AGL: variants seen among roughly 807,000 people sequenced by gnomAD.
AGL encodes glycogen debranching enzyme.
Under a neutral mutation model 199.3 loss-of-function variants are expected in AGL, and 128 were observed. The ratio of observed to expected loss-of-function variants is 0.64; its 90% CI spans 0.56 to 0.74. AGL has a LOEUF of 0.74. AGL is among the 30% of genes least tolerant of loss of function. The pLI, the probability that AGL is intolerant of heterozygous loss-of-function variation, is 0.00. For missense variants in AGL, 1,809 were observed against 1,820.8 expected, an observed-to-expected ratio of 0.99 and a Z score of 0.12; for synonymous variants, 584 against 594.7, an observed-to-expected ratio of 0.98 and a Z score of 0.26.
At position 99,880,708 on chromosome 1, in the gene AGL, T is replaced by G; in HGVS notation, c.1812T>G (p.Phe604Leu). The G allele has an allele frequency of 6.2e-7, 1 of 1,614,084 alleles. No homozygotes were observed. Among genetic ancestry groups the G allele is most frequent in the Non-Finnish European group, 8.5e-7 (1 of 1,179,956 alleles). Residue 604 changes from phenylalanine to leucine, a missense_variant, in exon 14 of 34, where the codon TTT becomes TTG. Physicochemically the swap from Phe to Leu is conservative, Grantham distance 22. Transcript: ENST00000361915. ...YRYGGEPVGS[F>L]VQPCLRPLMP... ...ATGGAGGAGAACCTGTTGGATCCTT[T>G]GTTCAGCCCTGTTTGAGGCCTTTAA... is the stretch of plus-strand genomic sequence containing the variant.
At chr1:99,871,179 A>G (rs1650971486) in intron 7 of AGL, among the ~76,000 whole-genome samples, 1 of 152,196 alleles carries the variant, frequency 6.6e-6, no homozygotes, top group South Asian at 2.1e-4. Flanking sequence ...TAGGTTGAAC[A>G]GGTTATTTCA....
chr1:99,920,747 G>A (rs1655460369), intron 33 of AGL, among the ~76,000 whole-genome samples: 1 of 152,110 alleles, frequency 6.6e-6, no homozygotes, highest in Non-Finnish European at 1.5e-5. Context: ...ACAAACCATA[G>A]TAATGAAACA....
At chr1:99,900,513 T>TA in intron 25 of AGL, 123 bp from the exon 26 acceptor site, 1 of 889,482 alleles carries the variant, frequency 1.1e-6, no homozygotes, top group Non-Finnish European at 1.8e-6. Flanking sequence ...TACATGAAAA[T>TA]ATAAAGAAAT....
In AGL at chr1:99,877,597, A is replaced by G. The variant is rs2291638; in HGVS notation, c.1424-44A>G. The G allele has an allele frequency of 0.37, 586,146 of 1,577,868 alleles. 113,843 individuals carry two copies. The highest frequency in any genetic ancestry group is 0.46 in the East Asian group (20,553 of 44,614). On this transcript the variant is annotated intron_variant, in intron 11 of 33. Coordinates refer to ENST00000361915, the MANE Select transcript of AGL (RefSeq NM_000642.3). ...GTGTTTCCTTGAAGTAATTGTTTTC[A>G]TTTTATTTCTTGAACCATTGAAAGC...
chr1:99,865,145 T>TA (rs542486639), intron 5 of AGL, among the ~76,000 whole-genome samples: 46 of 152,040 alleles, frequency 3.0e-4, no homozygotes, highest in African/African-American at 1.1e-3. Context: ...AGTTATCAGA[T>TA]AAAAAAACAC....
At position 99,913,510 on chromosome 1, in the gene AGL, C is replaced by T. The variant is rs563757318; in HGVS notation, c.3950-17C>T. On this transcript the variant is annotated splice_polypyrimidine_tract_variant and intron_variant, in intron 29 of 33. Transcript: ENST00000361915. Reference sequence around the variant, plus strand: ...TTTTGAATGATTAAAACTACCATGTCTTATGTCATTTTTCAGGAAAGGCTA... The same window carrying T: ...TTTTGAATGATTAAAACTACCATGTTTTATGTCATTTTTCAGGAAAGGCTA... 4 of 1,581,056 alleles carry T rather than the reference C, an allele frequency of 2.5e-6. No homozygotes were observed. In the South Asian group the frequency reaches 3.3e-5, roughly 13 times the overall value.
chr1:99,905,372 TTTGTTGTTGTTGTTG>T (rs150259594), intron 27 of AGL, among the ~76,000 whole-genome samples: 4 of 150,896 alleles, frequency 2.7e-5, no homozygotes, highest in Non-Finnish European at 4.4e-5. Flanking sequence ...ATTTTTTGTA[TTTGTTGTTGTTGTTG>T]TTGTTGTTGT....
chr1:99,919,238 G>A (rs968099370), intron 33 of AGL, among the ~76,000 whole-genome samples: 3 of 152,140 alleles, frequency 2.0e-5, no homozygotes, highest in African/African-American at 7.2e-5. Context: ...GTAATCATAG[G>A]GTTTGCTTCA....
At chr1:99,879,835 G>A in intron 12 of AGL, 88 bp from the exon 13 acceptor site, 2 of 1,037,320 alleles carry the variant, frequency 1.9e-6, no homozygotes. Flanking sequence ...GTCAAATCAT[G>A]CCTCCTTTTG....
Position 99,875,440 on chromosome 1 carries a change from A to T in AGL, c.1268A>T (p.His423Leu), listed in dbSNP as rs748479649. ...GPKLGPVTRK[H>L]PLVTRYFTFP... ...AAACTAGGACCTGTCACTAGAAAGCATCCTTTAGTTACCAGGTGTTGCATT... is the reference window on the plus strand; with the variant it reads ...AAACTAGGACCTGTCACTAGAAAGCTTCCTTTAGTTACCAGGTGTTGCATT... Residue 423 changes from histidine to leucine, a missense_variant, in exon 10 of 34, where the codon CAT becomes CTT. By Grantham distance (99) the His-to-Leu change is moderately conservative. Coordinates refer to ENST00000361915, the MANE Select transcript of AGL (RefSeq NM_000642.3). 2 of 1,614,114 alleles carry T rather than the reference A, an allele frequency of 1.2e-6. No homozygotes were observed. Among genetic ancestry groups the T allele is most frequent in the South Asian group, 1.1e-5 (1 of 91,082 alleles).
At chr1:99,879,815 A>G (rs750946549) in intron 12 of AGL, 108 bp from the exon 13 acceptor site, 20 of 869,394 alleles carry the variant, frequency 2.3e-5, no homozygotes, top group Non-Finnish European at 3.5e-5. Flanking sequence ...CTTGCTGCAT[A>G]TTTTTCTATG....
rs143987049 is a variant in AGL, at chr1:99,877,754, A to T, written c.1537A>T (p.Thr513Ser). ...TCTCTGGGCACACATGAAAAAATAC[A>T]CTGAAATAACTGCAACTTATTTCCA... is the stretch of plus-strand genomic sequence containing the variant. The part of the protein sequence containing the change: ...PYLWAHMKKY[T>S]EITATYFQGV... The change falls in exon 12 of 34, where the codon ACT becomes TCT. Residue 513 changes from threonine to serine, a missense_variant. Transcript: ENST00000361915. 65 of 1,614,108 alleles carry T rather than the reference A, an allele frequency of 4.0e-5. No homozygotes were observed. The African/African-American group carries it at 8.1e-4, about 20-fold the overall frequency.
chr1:99,860,263 TTATAAATAATA>T lies in AGL; in HGVS notation c.83-1235_83-1225del, dbSNP rs1485664283. Among the ~76,000 whole-genome samples the T allele has an allele frequency of 3.3e-5, 5 of 151,738 alleles. No homozygotes were observed. In the East Asian group the frequency reaches 7.7e-4, roughly 23 times the overall value. ...TGTTTAATAAGTCAAGGATTATAAA[TTATAAATAATA>T]TATATTAAATAGGTAAATATTAGTT... On this transcript the variant is annotated intron_variant, in intron 2 of 33. Coordinates refer to ENST00000361915, the MANE Select transcript of AGL (RefSeq NM_000642.3).
At chr1:99,893,983 G>T (rs1653107304) in intron 24 of AGL, among the ~76,000 whole-genome samples, 1 of 151,754 alleles carries the variant, frequency 6.6e-6, no homozygotes, top group African/African-American at 2.4e-5. Context: ...GGGAGTTCAA[G>T]ACCAGCCTGA....
rs370391954 is a variant in AGL at position 99,870,471 on chromosome 1, C to G, written c.736C>G (p.Pro246Ala). 1.9e-5 allele frequency: 30 copies of G among 1,613,912 alleles called. No homozygotes were observed. The highest frequency in any genetic ancestry group is 1.7e-6 in the Non-Finnish European group (2 of 1,179,960). Residue 246 changes from proline (P) to alanine (A), a missense_variant, in exon 6 of 34, where the codon CCT becomes GCT. Physicochemically the swap from Pro to Ala is conservative, Grantham distance 27. Coordinates refer to ENST00000361915, the MANE Select transcript of AGL (RefSeq NM_000642.3). The stretch of plus-strand genomic sequence containing the variant: ...TCTTGTGAATTCTCCACACTTAAAA[C>G]CTGCCTGGGTCTTAGACAGAGCACT... ...YNLVNSPHLK[P>A]AWVLDRALWR... is the part of the protein sequence containing the mutation.
At chr1:99,866,966 G>A (rs1421568131) in intron 5 of AGL, among the ~76,000 whole-genome samples, 2 of 151,968 alleles carry the variant, frequency 1.3e-5, no homozygotes, top group Non-Finnish European at 2.9e-5. Context: ...TTACAGGCAT[G>A]CACCAACACA....
chr1:99,912,489 T>G lies in AGL; in HGVS notation c.3921T>G (p.Pro1307=). 1.2e-6 allele frequency: 2 copies of G among 1,613,802 alleles called. No individual in the cohort carries two copies. The highest frequency in any genetic ancestry group is 1.7e-6 in the Non-Finnish European group (2 of 1,179,824). Residue 1307 remains proline, a synonymous_variant, in exon 29 of 34, where the codon CCT becomes CCG. Coordinates refer to ENST00000361915, the MANE Select transcript of AGL (RefSeq NM_000642.3). ...LLELSKKNIF[P]YHEVTVKRHG... is the part of the protein sequence containing the mutation. Reference sequence around the variant, plus strand: ...AATTATCCAAAAAAAATATTTTCCCTTATCATGAAGTCACAGTAAAAAGAC... The same window carrying G: ...AATTATCCAAAAAAAATATTTTCCCGTATCATGAAGTCACAGTAAAAAGAC...
At chr1:99,892,010 G>A (rs1652938057) in intron 23 of AGL, among the ~76,000 whole-genome samples, 2 of 152,054 alleles carry the variant, frequency 1.3e-5, no homozygotes, top group African/African-American at 4.8e-5. Context: ...GACTTATTGA[G>A]TTAATTGATA....
At chr1:99,855,344 TCTTTC>T (rs1401189163) in intron 2 of AGL, among the ~76,000 whole-genome samples, 1 of 147,682 alleles carries the variant, frequency 6.8e-6, no homozygotes, top group African/African-American at 2.4e-5. Flanking sequence ...CCCTCATATT[TCTTTC>T]CTTCTCTCTT....
Sources: gnomAD v4.1 joint callset for allele counts (sites outside exome capture counted in the v4.1 genomes callset) on GRCh38, gnomAD v4.1.1 for gene constraint, MANE v1.5 for transcripts, NCBI Gene and HGNC (gene_info 2026-07-23, HGNC 2026-07-21) for gene names.